CIMAP2: variants seen among roughly 807,000 people sequenced by gnomAD.
CIMAP2 encodes the protein ciliary microtubule associated protein 2.
chr1:54,811,990 G>A, the CIMAP2 span: 3 of 1,614,026 alleles, frequency 1.9e-6, no homozygotes, highest in Non-Finnish European at 1.7e-6. Flanking sequence ...GCACTCCCAG[G>A]GCAGAGGGGG....
chr1:54,830,684 A>G, the CIMAP2 span, among the ~76,000 whole-genome samples: 1 of 152,248 alleles, frequency 6.6e-6, no homozygotes, highest in Non-Finnish European at 1.5e-5. The surrounding 1 kb of genome is among the most constrained non-coding windows in gnomAD (Gnocchi z 4.1). Flanking sequence ...GATATTATAC[A>G]GATTATCAAA....
the CIMAP2 span, chr1:54,815,111 G>T: frequency 6.3e-7 from 1 of 1,583,362 alleles, no homozygotes; most frequent in African/African-American, 1.3e-5. Flanking sequence ...AAGCCTCTTT[G>T]TCCCCAGGTA....
At chr1:54,811,431 G>A in the CIMAP2 span, among the ~76,000 whole-genome samples, 2 of 152,184 alleles carry the variant, frequency 1.3e-5, no homozygotes, top group African/African-American at 4.8e-5. Context: ...GGCATTCCCG[G>A]TGGTGGTTAC....
the CIMAP2 span, among the ~76,000 whole-genome samples, chr1:54,834,570 AT>A: frequency 6.6e-6 from 1 of 152,206 alleles, no homozygotes; most frequent in African/African-American, 2.4e-5. Context: ...CTTGTCTGAA[AT>A]GCTTAAGATT....
At chr1:54,820,136 T>TTCTCTCTC in the CIMAP2 span, among the ~76,000 whole-genome samples, 2 of 127,978 alleles carry the variant, frequency 1.6e-5, no homozygotes, top group South Asian at 2.7e-4. Flanking sequence ...CTTTCTTTCT[T>TTCTCTCTC]TCTCTCTTTC....
At chr1:54,836,681 C>T in the CIMAP2 span, among the ~76,000 whole-genome samples, 3 of 152,040 alleles carry the variant, frequency 2.0e-5, no homozygotes, top group South Asian at 2.1e-4. Flanking sequence ...GTGCCATAAG[C>T]GTGTGGGGCA....
At chr1:54,806,360 TG>T in the CIMAP2 span, 1 of 841,466 alleles carries the variant, frequency 1.2e-6, no homozygotes, top group Non-Finnish European at 1.7e-6. Context: ...ACCAGAGGAG[TG>T]GGGGCCGGCA....
At chr1:54,831,205 G>T in the CIMAP2 span, among the ~76,000 whole-genome samples, 1 of 152,206 alleles carries the variant, frequency 6.6e-6, no homozygotes, top group South Asian at 2.1e-4. Flanking sequence ...TTGGGACTTT[G>T]TAGAGTCCTC....
the CIMAP2 span, among the ~76,000 whole-genome samples, chr1:54,835,956 C>G: frequency 6.6e-6 from 1 of 152,090 alleles, no homozygotes; most frequent in Non-Finnish European, 1.5e-5. Context: ...GACCCATCTT[C>G]CTGCCCTTAC....
chr1:54,828,691 T>G, the CIMAP2 span, among the ~76,000 whole-genome samples: 1 of 152,156 alleles, frequency 6.6e-6, no homozygotes, highest in African/African-American at 2.4e-5. Flanking sequence ...CTCTTTTTAC[T>G]AAGACCCCAT....
the CIMAP2 span, among the ~76,000 whole-genome samples, chr1:54,816,750 C>T: frequency 1.3e-5 from 2 of 152,200 alleles, no homozygotes; most frequent in Non-Finnish European, 2.9e-5. Context: ...GAAGGGCCCA[C>T]CTTACTGCAG....
the CIMAP2 span, among the ~76,000 whole-genome samples, chr1:54,816,569 G>A: frequency 2.0e-5 from 3 of 152,144 alleles, no homozygotes; most frequent in African/African-American, 4.8e-5. Context: ...CTGCAGGTCC[G>A]TGCTCCCTCT....
chr1:54,825,174 C>T, the CIMAP2 span, among the ~76,000 whole-genome samples: 1 of 150,904 alleles, frequency 6.6e-6, no homozygotes, highest in Non-Finnish European at 1.5e-5. Context: ...CCTCAACCTC[C>T]CGAGTAGCTG....
At chr1:54,814,978 C>T in the CIMAP2 span, 46 of 1,614,080 alleles carry the variant, frequency 2.8e-5, no homozygotes, top group Non-Finnish European at 3.9e-5. Flanking sequence ...AACCAGCCCC[C>T]ATTCCTGTTG....
chr1:54,831,681 T>C, the CIMAP2 span, among the ~76,000 whole-genome samples: 1 of 152,012 alleles, frequency 6.6e-6, no homozygotes, highest in Non-Finnish European at 1.5e-5. Context: ...AAGACATGCA[T>C]GTAAAAATAC....
chr1:54,808,473 C>A, the CIMAP2 span, among the ~76,000 whole-genome samples: 4 of 152,008 alleles, frequency 2.6e-5, no homozygotes, highest in Non-Finnish European at 5.9e-5. Flanking sequence ...TCAAATCAGA[C>A]CGGCAGGCAG....
At chr1:54,826,224 C>CTGTT in the CIMAP2 span, among the ~76,000 whole-genome samples, 1 of 152,142 alleles carries the variant, frequency 6.6e-6, no homozygotes, top group Admixed American at 6.5e-5. Context: ...GGTAGTGTTG[C>CTGTT]TGTTAGTGGC....
chr1:54,822,425 T>A, the CIMAP2 span, among the ~76,000 whole-genome samples: 1 of 151,926 alleles, frequency 6.6e-6, no homozygotes, highest in South Asian at 2.1e-4. Context: ...TCTGCTCTAA[T>A]CTTTATTTCT....
chr1:54,807,154 G>A, the CIMAP2 span: 95 of 1,465,546 alleles, frequency 6.5e-5, no homozygotes, highest in Non-Finnish European at 8.7e-5. Flanking sequence ...GCCTGCTGTG[G>A]TGGATGAGCT....
Sources: allele counts gnomAD v4.1 joint callset (sites outside exome capture counted in the v4.1 genomes callset), GRCh38; gene constraint gnomAD v4.1.1; non-coding constraint Gnocchi (gnomAD v3.1); transcripts MANE v1.5; gene names NCBI Gene and HGNC (gene_info 2026-07-23, HGNC 2026-07-21).